MACROD2: variants seen among roughly 807,000 people sequenced by gnomAD.
The protein encoded by MACROD2 is ADP-ribose glycohydrolase MACROD2.
A neutral mutation model predicts 70.4 loss-of-function variants in MACROD2; 36 were observed. The ratio of observed to expected loss-of-function variants is 0.51; its 90% CI spans 0.39 to 0.68. The LOEUF is 0.68. MACROD2 is among the 30% of genes least tolerant of loss of function. The probability of loss-of-function intolerance (pLI) is 0.00; values close to 1 mark genes in which losing one functional copy is unlikely to be tolerated. For missense variants in MACROD2, 496 were observed against 538.4 expected (o/e 0.92, Z 0.78); for synonymous variants, 172 against 178.8 (o/e 0.96, Z 0.30).
intron 3 of MACROD2, among the ~76,000 whole-genome samples, chr20:14,484,318 ATG>A (rs1446624291): frequency 6.6e-6 from 1 of 151,960 alleles, no homozygotes; most frequent in African/African-American, 2.4e-5. Flanking sequence ...TACATAGTAG[ATG>A]TGTGTGTATA....
chr20:14,111,905 G>A (rs1376461459), intron 3 of MACROD2, among the ~76,000 whole-genome samples: 1 of 151,924 alleles, frequency 6.6e-6, no homozygotes, highest in East Asian at 1.9e-4. Context: ...ATCTGCACAC[G>A]CATGTTTGTT....
intron 8 of MACROD2, among the ~76,000 whole-genome samples, chr20:15,653,671 T>A (rs914001481): frequency 3.3e-5 from 5 of 152,144 alleles, no homozygotes; most frequent in Admixed American, 3.3e-4. Flanking sequence ...TGGTCAGGTG[T>A]CTACAGTGAC....
At chr20:15,334,096 T>A (rs2078022401) in intron 6 of MACROD2, among the ~76,000 whole-genome samples, 1 of 151,702 alleles carries the variant, frequency 6.6e-6, no homozygotes, top group Non-Finnish European at 1.5e-5. Context: ...CACAAGTTCT[T>A]TGTCCCCTGT....
At chr20:15,343,142 A>G (rs2078128140) in intron 6 of MACROD2, among the ~76,000 whole-genome samples, 1 of 152,188 alleles carries the variant, frequency 6.6e-6, no homozygotes, top group African/African-American at 2.4e-5. Flanking sequence ...GCTCCGGATC[A>G]GCCAGGCCTT....
At chr20:14,156,808 T>C (rs554903892) in intron 3 of MACROD2, among the ~76,000 whole-genome samples, 52 of 152,336 alleles carry the variant, frequency 3.4e-4, no homozygotes, top group African/African-American at 1.2e-3. Flanking sequence ...AGTCAGTGTC[T>C]AAAGCACAGT....
chr20:15,218,758 A>C (rs1947237074), intron 5 of MACROD2, among the ~76,000 whole-genome samples: 1 of 152,230 alleles, frequency 6.6e-6, no homozygotes, highest in South Asian at 2.1e-4. Context: ...TTGAGCAGAA[A>C]ACAATTGCAT....
In MACROD2 at chr20:14,773,402, C is replaced by T. The variant is rs150247448; in HGVS notation, c.418+88443C>T. Among the ~76,000 whole-genome samples the T allele has an allele frequency of 8.5e-5, 13 of 152,144 alleles. No homozygotes were observed. The East Asian group carries it at 1.7e-3, about 20-fold the overall frequency. On this transcript the variant is annotated intron_variant, in intron 5 of 17. Transcript: ENST00000684519. Reference sequence around the variant, plus strand: ...TCCCCTATTTCCCAGCCCCTGGTAACCACCTTTTCACTCTCTGCTTACTTG... The same window carrying T: ...TCCCCTATTTCCCAGCCCCTGGTAATCACCTTTTCACTCTCTGCTTACTTG...
At chr20:15,475,401 A>G (rs531202990) in intron 7 of MACROD2, among the ~76,000 whole-genome samples, 1 of 152,346 alleles carries the variant, frequency 6.6e-6, no homozygotes, top group Admixed American at 6.5e-5. Flanking sequence ...GGCATTAAAG[A>G]TGTGGCAAGC....
chr20:15,707,746 C>T (rs2050557681), intron 8 of MACROD2, among the ~76,000 whole-genome samples: 1 of 151,918 alleles, frequency 6.6e-6, no homozygotes, highest in Non-Finnish European at 1.5e-5. Flanking sequence ...GATTACGCCA[C>T]TGCACTCCAG....
At chr20:15,065,610 C>T (rs391017) in intron 5 of MACROD2, among the ~76,000 whole-genome samples, 24,030 of 148,848 alleles carry the variant, frequency 0.16, 2,609 homozygotes, top group Non-Finnish European at 0.24. Context: ...GCCAAGATCG[C>T]GCCACTGCAC....
intron 6 of MACROD2, among the ~76,000 whole-genome samples, chr20:15,310,793 A>G (rs1600227530): frequency 6.6e-6 from 1 of 152,270 alleles, no homozygotes; most frequent in East Asian, 1.9e-4. Flanking sequence ...CTTTCCTTTT[A>G]CATCGCACTC....
intron 10 of MACROD2, among the ~76,000 whole-genome samples, chr20:15,892,017 T>C (rs761298821): frequency 3.3e-5 from 5 of 152,180 alleles, no homozygotes; most frequent in African/African-American, 4.8e-5. Context: ...TAACCTTCGA[T>C]TGAGGGATAC....
chr20:14,374,568 T>G (rs867418612), intron 3 of MACROD2, among the ~76,000 whole-genome samples: 35 of 152,188 alleles, frequency 2.3e-4, no homozygotes, highest in African/African-American at 8.2e-4. Context: ...TAAGAATATC[T>G]TTGGAGATAT....
At chr20:14,842,386 C>G (rs1261013652) in intron 5 of MACROD2, among the ~76,000 whole-genome samples, 1 of 151,938 alleles carries the variant, frequency 6.6e-6, no homozygotes, top group Non-Finnish European at 1.5e-5. Flanking sequence ...TGAAGTCTCC[C>G]CAGAGCAGTA....
chr20:16,018,854 T>A (rs1214991095), intron 15 of MACROD2, among the ~76,000 whole-genome samples: 11 of 152,186 alleles, frequency 7.2e-5, no homozygotes, highest in Admixed American at 7.2e-4. Flanking sequence ...TGGCTAGGTG[T>A]CTTATATGCC....
At chr20:16,031,226 G>A (rs899516930) in intron 15 of MACROD2, among the ~76,000 whole-genome samples, 4 of 152,082 alleles carry the variant, frequency 2.6e-5, no homozygotes, top group Admixed American at 6.5e-5. Flanking sequence ...AAGACAGGGA[G>A]GAGGAAGAAA....
intron 9 of MACROD2, among the ~76,000 whole-genome samples, chr20:15,877,658 G>C (rs999779947): frequency 1.3e-5 from 2 of 152,078 alleles, no homozygotes; most frequent in Non-Finnish European, 2.9e-5. Flanking sequence ...TGAGGATAAC[G>C]ACCTCTTCCC....
chr20:15,269,431 G>A (rs889529491), intron 6 of MACROD2, among the ~76,000 whole-genome samples: 1 of 152,188 alleles, frequency 6.6e-6, no homozygotes, highest in African/African-American at 2.4e-5. Context: ...TGGCTCCCTT[G>A]CAGCTGATTA....
intron 7 of MACROD2, among the ~76,000 whole-genome samples, chr20:15,476,655 T>C (rs541067961): frequency 6.6e-6 from 1 of 152,308 alleles, no homozygotes; most frequent in African/African-American, 2.4e-5. Context: ...TAGAGTTGTA[T>C]TTGAGACAAA....
Sources: allele counts gnomAD v4.1 joint callset (sites outside exome capture counted in the v4.1 genomes callset), GRCh38; gene constraint gnomAD v4.1.1; transcripts MANE v1.5; gene names NCBI Gene and HGNC (gene_info 2026-07-23, HGNC 2026-07-21).